Variants in USP34 observed in about 807,000 individuals in gnomAD.
USP34 encodes the protein ubiquitin carboxyl-terminal hydrolase 34.
USP34 carries 70 observed loss-of-function variants against 460.3 expected under a neutral mutation model. The observed-to-expected ratio is 0.15, with a 90% CI of 0.13 to 0.19. The LOEUF is 0.19. USP34 is among the 10% of genes least tolerant of loss of function. The pLI is 1.00. For missense variants in USP34, 3,985 were observed against 4,236.2 expected (o/e 0.94, Z 1.65); for synonymous variants, 1,647 against 1,405.3 (o/e 1.17, Z -3.85).
rs567400385 is a variant in USP34, at chr2:61,291,976, A to T, written c.4548+1488T>A. Among the ~76,000 whole-genome samples, 50 of 152,290 alleles carry T rather than the reference A, an allele frequency of 3.3e-4. No individual in the cohort carries two copies. The South Asian group carries it at 9.7e-3, about 30-fold the overall frequency. ...CCAGTCACGATGGACCATATATTGT[A>T]TGGTTCCATTTATAGGAAATGTCCA... On this transcript the variant is annotated intron_variant, in intron 33 of 79. Transcript: ENST00000398571.
In USP34 at chr2:61,188,215, G is replaced by A. The variant is rs1455611156; in HGVS notation, c.10528C>T (p.Leu3510Phe). 6.2e-7 allele frequency: 1 copy of A among 1,614,146 alleles called. No homozygotes were observed. The highest frequency in any genetic ancestry group is 1.7e-5 in the Admixed American group (1 of 60,018). ...LSLSCGHSRGLFSHMQQHDIL... is the reference protein window; with the variant it reads ...LSLSCGHSRGFFSHMQQHDIL... ...TCATGTTGCTGCATATGACTAAAGA[G>A]TCCTCTGGAATGGCCACAACTGAGA... is the stretch of plus-strand genomic sequence containing the variant. The change falls in exon 80 of 80, where the codon CTC becomes TTC. Residue 3510 changes from leucine (L) to phenylalanine (F), a missense_variant. Leu to Phe is a conservative substitution (Grantham distance 22). Coordinates refer to ENST00000398571, the MANE Select transcript of USP34 (RefSeq NM_014709.4).
chr2:61,204,735 T>G lies in USP34; in HGVS notation c.9155-134A>C, dbSNP rs571674851. 21 of 671,308 alleles carry G rather than the reference T, an allele frequency of 3.1e-5. No individual in the cohort carries two copies. In the African/African-American group the frequency reaches 3.6e-4, roughly 11 times the overall value. 41.6% of individuals were successfully genotyped at this position (671,308 alleles called of 1,614,324 possible). A position where few individuals can be genotyped will look rare whatever the true frequency, so the allele number is the denominator to read the frequency against. On this transcript the variant is annotated intron_variant, in intron 72 of 79. Transcript: ENST00000398571. ...TCTAAAACTAAGCTCCTGACACGAG[T>G]AGAAATTCTGTCTTATGCTCAATCA...
intron 1 of USP34, among the ~76,000 whole-genome samples, chr2:61,422,422 CAA>C (rs897778799): frequency 1.3e-5 from 2 of 152,180 alleles, no homozygotes; most frequent in Non-Finnish European, 2.9e-5. Flanking sequence ...TGCTAACCAA[CAA>C]AAACTTTCCA....
intron 41 of USP34, among the ~76,000 whole-genome samples, chr2:61,274,453 A>G (rs1360392537): frequency 6.6e-6 from 1 of 152,030 alleles, no homozygotes; most frequent in South Asian, 2.1e-4. Flanking sequence ...GAAAAAAAAA[A>G]AAAACTTGCA....
At chr2:61,225,627 G>A (rs568799679) in intron 62 of USP34, among the ~76,000 whole-genome samples, 48 of 152,072 alleles carry the variant, frequency 3.2e-4, no homozygotes, top group African/African-American at 1.0e-3. Flanking sequence ...TGTATTTGAG[G>A]TAGTTGTGTT....
intron 34 of USP34, among the ~76,000 whole-genome samples, chr2:61,285,644 G>A (rs1689667006): frequency 6.6e-6 from 1 of 152,056 alleles, no homozygotes; most frequent in Non-Finnish European, 1.5e-5. Context: ...GTGGTTTCTT[G>A]GGAAGGGGTT....
At chr2:61,309,754 T>C (rs577588718) in intron 27 of USP34, among the ~76,000 whole-genome samples, 3 of 152,278 alleles carry the variant, frequency 2.0e-5, no homozygotes, top group Admixed American at 1.3e-4. Flanking sequence ...AAATACAAAT[T>C]CTATGAAGAT....
intron 41 of USP34, among the ~76,000 whole-genome samples, chr2:61,274,724 AT>A (rs1218843439): frequency 6.6e-6 from 1 of 152,206 alleles, no homozygotes; most frequent in Non-Finnish European, 1.5e-5. Flanking sequence ...ATGCTGGAAA[AT>A]TGGAAATTAA....
At chr2:61,409,290 T>C (rs1308863541) in intron 2 of USP34, among the ~76,000 whole-genome samples, 2 of 152,146 alleles carry the variant, frequency 1.3e-5, no homozygotes, top group Admixed American at 1.3e-4. Flanking sequence ...CTCACGCCTG[T>C]AATCCCAGCA....
chr2:61,225,471 C>G (rs1687700790), intron 62 of USP34, among the ~76,000 whole-genome samples: 1 of 151,854 alleles, frequency 6.6e-6, no homozygotes, highest in Non-Finnish European at 1.5e-5. Context: ...GAGATTACTT[C>G]TTATTCATTT....
At chr2:61,321,784 C>T (rs1690930801) in intron 21 of USP34, among the ~76,000 whole-genome samples, 1 of 152,012 alleles carries the variant, frequency 6.6e-6, no homozygotes, top group Non-Finnish European at 1.5e-5. Flanking sequence ...GGAGCACATC[C>T]GTATAATAGT....
At position 61,438,123 on chromosome 2, in the gene USP34, A is replaced by G. The variant is rs1042650855; in HGVS notation, c.44-17290T>C. 2.6e-5 allele frequency among the ~76,000 whole-genome samples: 4 copies of G among 152,194 alleles called. No homozygotes were observed. The South Asian group carries it at 6.2e-4, about 24-fold the overall frequency. On this transcript the variant is annotated intron_variant, in intron 1 of 79. Coordinates refer to ENST00000398571, the MANE Select transcript of USP34 (RefSeq NM_014709.4). ...ATTCTGAACAGAATTCTGGCAAACC[A>G]AATCCAACAACACATCAAAATGTAA...
chr2:61,304,449 T>C (rs1283740829), intron 27 of USP34, among the ~76,000 whole-genome samples: 1 of 152,204 alleles, frequency 6.6e-6, no homozygotes, highest in Non-Finnish European at 1.5e-5. Flanking sequence ...GTTCCCCAAA[T>C]CTGTATGTCG....
chr2:61,341,894 C>G (rs1225662580), intron 16 of USP34, among the ~76,000 whole-genome samples: 2 of 151,138 alleles, frequency 1.3e-5, no homozygotes, highest in Non-Finnish European at 2.9e-5. Context: ...TCCCGAGTAG[C>G]TGGGACGACA....
chr2:61,374,466 T>C (rs920175015), intron 8 of USP34, among the ~76,000 whole-genome samples: 7 of 152,324 alleles, frequency 4.6e-5, no homozygotes, highest in Admixed American at 2.6e-4. Flanking sequence ...CTCACAGACA[T>C]GCACATAGCA....
chr2:61,345,697 C>T (rs761587679), intron 15 of USP34, among the ~76,000 whole-genome samples: 2 of 152,134 alleles, frequency 1.3e-5, no homozygotes, highest in African/African-American at 2.4e-5. Context: ...TGTAGTGGTG[C>T]AATCACCACT....
rs373831933 is a variant in USP34 at position 61,281,277 on chromosome 2, G to A, written c.4999-35C>T. 6.3e-6 allele frequency: 10 copies of A among 1,594,990 alleles called. No individual in the cohort carries two copies. The African/African-American group carries it at 1.4e-4, about 22-fold the overall frequency. On this transcript the variant is annotated intron_variant, in intron 37 of 79. Transcript: ENST00000398571. ...AAAGAAAGTTCCACAAACAGTGAGA[G>A]TTAGTATTACAAAGTTAATATGTTA...
At chr2:61,326,026 C>T (rs1416845426) in intron 20 of USP34, among the ~76,000 whole-genome samples, 2 of 151,948 alleles carry the variant, frequency 1.3e-5, no homozygotes, top group African/African-American at 4.8e-5. Context: ...AAAGAAGCAA[C>T]TTTTAGTGAG....
At chr2:61,354,130 A>T (rs1173614726) in intron 10 of USP34, among the ~76,000 whole-genome samples, 1 of 152,224 alleles carries the variant, frequency 6.6e-6, no homozygotes, top group Non-Finnish European at 1.5e-5. Flanking sequence ...AATTTCATGA[A>T]AGACATGAAT....
Sources: gnomAD v4.1 joint callset for allele counts (sites outside exome capture counted in the v4.1 genomes callset) on GRCh38, gnomAD v4.1.1 for gene constraint, MANE v1.5 for transcripts, NCBI Gene and HGNC (gene_info 2026-07-23, HGNC 2026-07-21) for gene names.